Variants in CXorf66 observed in about 807,000 individuals in gnomAD.
CXorf66 encodes the protein chromosome X open reading frame 66, also known as uncharacterized protein CXorf66.
CXorf66 carries 6 observed loss-of-function variants against 5.0 expected under a neutral mutation model. The observed-to-expected ratio is 1.20, with a 90% CI of 0.65 to 2.36. The LOEUF (loss-of-function observed/expected upper bound fraction) is 2.36, where lower values mean the gene tolerates loss of function less well. Among genes scored for constraint, CXorf66 ranks in the 30% most tolerant of loss-of-function variants. CXorf66 has a pLI of 0.00. For synonymous variants in CXorf66, 98 were observed against 102.8 expected (o/e 0.95, Z 0.28); for missense variants, 270 against 254.9 (o/e 1.06, Z -0.40).
intron 2 of CXorf66, among the ~76,000 whole-genome samples, chrX:139,957,043 G>A (rs748812887): frequency 9.0e-6 from 1 of 110,916 alleles, no homozygotes; most frequent in South Asian, 3.8e-4. Flanking sequence ...GCGCACACCT[G>A]TAGTCCCCAG....
rs1308060832 is a variant in CXorf66, at chrX:139,958,110, A to C, written c.196T>G (p.Tyr66Asp). ...IMVFVFICFC[Y>D]LHYNCLSDDA... The stretch of plus-strand genomic sequence containing the variant: ...TCGCTCAGACAATTATAATGGAGAT[A>C]ACAAAAACAGATAAAGACAAAAACC... The change falls in exon 2 of 3, where the codon TAT (tyrosine) becomes GAT (aspartate). Residue 66 changes from tyrosine to aspartate, a missense_variant. Coordinates refer to ENST00000370540, the MANE Select transcript of CXorf66 (RefSeq NM_001013403.3). 1 of 1,206,756 alleles carries C rather than the reference A, an allele frequency of 8.3e-7. No homozygotes were observed. The highest frequency in any genetic ancestry group is 1.1e-6 in the Non-Finnish European group (1 of 893,325).
chrX:139,960,706 G>A (rs1367773234), intron 1 of CXorf66, among the ~76,000 whole-genome samples: 1 of 111,783 alleles, frequency 8.9e-6, no homozygotes, highest in African/African-American at 3.2e-5. Flanking sequence ...ACAAAGGGAA[G>A]CTCATCAAAC....
At chrX:139,959,469 C>T (rs1027936447) in intron 1 of CXorf66, among the ~76,000 whole-genome samples, 5 of 112,328 alleles carry the variant, frequency 4.5e-5, no homozygotes, top group South Asian at 3.6e-4. Flanking sequence ...CCTGGGGGAA[C>T]GGGTGGCTGT....
At position 139,956,488 on chromosome X, in the gene CXorf66, G is replaced by T; in HGVS notation, c.494C>A (p.Ser165Tyr). The change falls in exon 3 of 3, where the codon TCC (serine) becomes TAC (tyrosine). Residue 165 changes from serine to tyrosine, a missense_variant. Coordinates refer to ENST00000370540, the MANE Select transcript of CXorf66 (RefSeq NM_001013403.3). The stretch of plus-strand genomic sequence containing the variant: ...TAATTTTTTTGAGCATGATGACTTG[G>T]ATGACCTTTTTGGATATGATGGCCT... ...LTRPSYPKRS[S>Y]KSSCSKKLSK... The T allele has an allele frequency of 8.3e-7, 1 of 1,211,814 alleles. No homozygotes were observed. The highest frequency in any genetic ancestry group is 1.7e-5 in the African/African-American group (1 of 57,822).
At chrX:139,961,561 C>T (rs1434130522) in intron 1 of CXorf66, among the ~76,000 whole-genome samples, 1 of 112,032 alleles carries the variant, frequency 8.9e-6, no homozygotes, top group Non-Finnish European at 1.9e-5. Flanking sequence ...AACTTGAACT[C>T]AGCTCTGGAC....
Position 139,956,725 on chromosome X carries a change from C to T in CXorf66, c.257G>A (p.Gly86Asp). ...TGTTTTAGATGACTTGGCTGCTATG[C>T]CTTTTTTCTTGACCCTGAAAGTATA... is the stretch of plus-strand genomic sequence containing the variant. The part of the protein sequence containing the change: ...ASKAGMVKKK[G>D]IAAKSSKTSF... Residue 86 changes from glycine (G) to aspartate (D), a missense_variant, in exon 3 of 3, where the codon GGC becomes GAC. By Grantham distance (94) the Gly-to-Asp change is moderately conservative. Transcript: ENST00000370540. The T allele has an allele frequency of 2.5e-6, 3 of 1,205,499 alleles. No homozygotes were observed. Among genetic ancestry groups the T allele is most frequent in the Non-Finnish European group, 3.4e-6 (3 of 892,297 alleles).
rs139549978 is a variant in CXorf66, at chrX:139,956,594, C to A, written c.388G>T (p.Ala130Ser). Residue 130 changes from alanine (A) to serine (S), a missense_variant, in exon 3 of 3, where the codon GCA (alanine) becomes TCA (serine). Coordinates refer to ENST00000370540, the MANE Select transcript of CXorf66 (RefSeq NM_001013403.3). ...ATTAATTTTTCTGTGCTGGATTGTG[C>A]GGATGCCCTTTCTGGACTCGATGAA... ...SDSSSPERAS[A>S]QSSTEKLIRP... 6.6e-6 allele frequency: 8 copies of A among 1,210,824 alleles called. No individual in the cohort carries two copies. The highest frequency in any genetic ancestry group is 8.9e-6 in the Non-Finnish European group (8 of 895,146).
chrX:139,963,272 A>G (rs1350295118), intron 1 of CXorf66, among the ~76,000 whole-genome samples: 1 of 111,816 alleles, frequency 8.9e-6, no homozygotes, highest in Admixed American at 9.6e-5. Flanking sequence ...TCAATAATAG[A>G]TAAGCAGAGA....
At position 139,961,304 on chromosome X, in the gene CXorf66, T is replaced by A. The variant is rs1423785250; in HGVS notation, c.89-3087A>T. On this transcript the variant is annotated intron_variant, in intron 1 of 2. Coordinates refer to ENST00000370540, the MANE Select transcript of CXorf66 (RefSeq NM_001013403.3). ...TCCTAGCCTCTGAAAAAACGGACTT[T>A]AAACCAACAAAGATCAAAAAAGACA... Among the ~76,000 whole-genome samples the A allele has an allele frequency of 3.6e-5, 4 of 111,251 alleles. No individual in the cohort carries two copies. The East Asian group carries it at 8.5e-4, about 24-fold the overall frequency.
Position 139,963,701 on chromosome X carries a change from G to T in CXorf66, c.88+1708C>A, listed in dbSNP as rs186364191. Among the ~76,000 whole-genome samples the T allele has an allele frequency of 3.8e-4, 33 of 87,521 alleles. No homozygotes were observed. In the Admixed American group the frequency reaches 4.0e-3, roughly 11 times the overall value. The allele number at this position is 87,521 out of a possible 115,157, so 76.0% of individuals were successfully genotyped here. On this transcript the variant is annotated intron_variant, in intron 1 of 2. Transcript: ENST00000370540. Reference sequence around the variant, plus strand: ...CAGTAACCAAAACAGTATGGTGCTGGTACCAAAACAGATACATAGACCAAA... The same window carrying T: ...CAGTAACCAAAACAGTATGGTGCTGTTACCAAAACAGATACATAGACCAAA...
At chrX:139,965,166 A>G (rs1001569171) in intron 1 of CXorf66, among the ~76,000 whole-genome samples, 1 of 111,637 alleles carries the variant, frequency 9.0e-6, no homozygotes, top group African/African-American at 3.3e-5. Context: ...TGGTGGGGAC[A>G]GGTTGGTATA....
chrX:139,958,016 T>TAC (rs753088382), intron 2 of CXorf66, 48 bp downstream of exon 2: 52 of 1,094,978 alleles, frequency 4.7e-5, no homozygotes, highest in African/African-American at 2.3e-4. Flanking sequence ...CCGCTATATG[T>TAC]ACACACACAC....
Position 139,956,175 on chromosome X carries a change from G to T in CXorf66, c.807C>A (p.Tyr269Ter). ...TTTTGGCAACAAGATGTTTTTTCTT[G>T]TAGGGTTGACAAGTTTCAGCTAATT... ...NSELAETCQP[Y>*]KKKHLVAKTY... Residue 269 changes from tyrosine to a stop codon, truncating the protein, a stop_gained, in exon 3 of 3, where the codon TAC (tyrosine) becomes TAA (stop). Coordinates refer to ENST00000370540, the MANE Select transcript of CXorf66 (RefSeq NM_001013403.3). LOFTEE classifies it low-confidence loss of function (END_TRUNC). The T allele has an allele frequency of 8.3e-7, 1 of 1,211,542 alleles. No homozygotes were observed. Among genetic ancestry groups the T allele is most frequent in the Non-Finnish European group, 1.1e-6 (1 of 895,316 alleles).
At chrX:139,958,662 C>A (rs2085582650) in intron 1 of CXorf66, among the ~76,000 whole-genome samples, 1 of 111,752 alleles carries the variant, frequency 8.9e-6, no homozygotes, top group African/African-American at 3.3e-5. Context: ...CCAGCGAGAC[C>A]AATGCAGAAG....
Position 139,956,738 on chromosome X carries a change from C to T in CXorf66, c.244G>A (p.Val82Ile), listed in dbSNP as rs1442297702. Residue 82 changes from valine (V) to isoleucine (I), a missense_variant and splice_region_variant, in exon 3 of 3, where the codon GTC becomes ATC. Val to Ile is a conservative substitution (Grantham distance 29, BLOSUM62 3). Transcript: ENST00000370540. ...TTGGCTGCTATGCCTTTTTTCTTGA[C>T]CCTGAAAGTATAGAAAATTTGGAGT... Reference protein sequence around the residue: ...LSDDASKAGMVKKKGIAAKSS... With the variant: ...LSDDASKAGMIKKKGIAAKSS... 8.4e-7 allele frequency: 1 copy of T among 1,197,079 alleles called. No homozygotes were observed. The highest frequency in any genetic ancestry group is 1.1e-6 in the Non-Finnish European group (1 of 889,518).
Position 139,956,490 on chromosome X carries a change from T to G in CXorf66, c.492A>C (p.Ser164=), listed in dbSNP as rs1187035672. ...KLTRPSYPKR[S]SKSSCSKKLS... ...ATTTTTTTGAGCATGATGACTTGGA[T>G]GACCTTTTTGGATATGATGGCCTAG... The change falls in exon 3 of 3, where the codon TCA becomes TCC. Residue 164 remains serine (S), a synonymous_variant. Transcript: ENST00000370540. The G allele has an allele frequency of 8.3e-7, 1 of 1,212,026 alleles. No individual in the cohort carries two copies. The highest frequency in any genetic ancestry group is 1.7e-5 in the African/African-American group (1 of 57,871).
At chrX:139,965,260 G>T in intron 1 of CXorf66, 149 bp downstream of exon 1, 1 of 453,799 alleles carries the variant, frequency 2.2e-6, no homozygotes, top group Non-Finnish European at 3.9e-6. Context: ...AATATCAGCT[G>T]TTGTATTAGA....
intron 1 of CXorf66, among the ~76,000 whole-genome samples, chrX:139,961,300 A>G (rs966670849): frequency 9.0e-6 from 1 of 111,590 alleles, no homozygotes; most frequent in African/African-American, 3.3e-5. Context: ...GAAAAAACGG[A>G]CTTTAAACCA....
At chrX:139,964,952 T>C (rs767296988) in intron 1 of CXorf66, among the ~76,000 whole-genome samples, 23 of 110,548 alleles carry the variant, frequency 2.1e-4, no homozygotes, top group Non-Finnish European at 3.6e-4. Flanking sequence ...TTAGGACAAA[T>C]ACCTAATGCA....
Sources: gnomAD v4.1 joint callset for allele counts (sites outside exome capture counted in the v4.1 genomes callset) on GRCh38, gnomAD v4.1.1 for gene constraint, MANE v1.5 for transcripts, NCBI Gene and HGNC (gene_info 2026-07-23, HGNC 2026-07-21) for gene names.